CBLN2: variants seen among roughly 807,000 people sequenced by gnomAD.
CBLN2 encodes the protein cerebellin 2 precursor.
Under a neutral mutation model 15.0 loss-of-function variants are expected in CBLN2, and 7 were observed. The observed-to-expected ratio is 0.47, with a 90% CI of 0.27 to 0.88. The LOEUF is 0.88. CBLN2 is among the 40% of genes least tolerant of loss of function. The probability of loss-of-function intolerance (pLI) is 0.14; values close to 1 mark genes in which losing one functional copy is unlikely to be tolerated. For missense variants in CBLN2, 242 were observed against 304.5 expected, an observed-to-expected ratio of 0.79 and a Z score of 1.53; for synonymous variants, 149 against 135.2, an observed-to-expected ratio of 1.10 and a Z score of -0.71.
In CBLN2 at chr18:72,538,387, A is replaced by AGTAGAG; in HGVS notation, c.478-20_478-15dup. 1 of 1,613,252 alleles carries AGTAGAG rather than the reference A, an allele frequency of 6.2e-7. No individual in the cohort carries two copies. The highest frequency in any genetic ancestry group is 8.5e-7 in the Non-Finnish European group (1 of 1,179,394). On this transcript the variant is annotated splice_polypyrimidine_tract_variant and intron_variant, in intron 4 of 4. Transcript: ENST00000269503. ...CATTAAACTGACCTAAAATGCAGAG[A>AGTAGAG]GTAGAGCTCAGCAGACCATAAAGCA...
At chr18:72,582,815 T>C (rs2069414777) in intron 1 of CBLN2, among the ~76,000 whole-genome samples, 1 of 152,316 alleles carries the variant, frequency 6.6e-6, no homozygotes. Context: ...GACCTAGAGT[T>C]AGACAGCAAA....
chr18:72,553,740 T>C (rs1320979214), intron 1 of CBLN2, among the ~76,000 whole-genome samples: 2 of 152,136 alleles, frequency 1.3e-5, no homozygotes, highest in Non-Finnish European at 1.5e-5. Flanking sequence ...GGGGAAACCG[T>C]GGAGCAATGA....
At chr18:72,615,221 T>C (rs1193707898) in intron 1 of CBLN2, among the ~76,000 whole-genome samples, 2 of 137,824 alleles carry the variant, frequency 1.5e-5, no homozygotes, top group East Asian at 4.0e-4. Flanking sequence ...TGTATATATA[T>C]GTACATATAT....
intron 1 of CBLN2, among the ~76,000 whole-genome samples, chr18:72,632,173 C>A (rs138835751): frequency 6.6e-6 from 1 of 151,954 alleles, no homozygotes; most frequent in South Asian, 2.1e-4. Context: ...TATTTATATA[C>A]GTAAGGTGTG....
At chr18:72,553,502 AT>A (rs2069204666) in intron 1 of CBLN2, among the ~76,000 whole-genome samples, 1 of 151,490 alleles carries the variant, frequency 6.6e-6, no homozygotes. Flanking sequence ...ATAGATAGAT[AT>A]GAAAACAGAT....
intron 1 of CBLN2, chr18:72,618,773 T>C: frequency 1.4e-6 from 1 of 729,160 alleles, no homozygotes; most frequent in Admixed American, 1.7e-5. Context: ...TACCATTCTG[T>C]GAATGGCCAC....
At chr18:72,557,393 TGCCCA>T (rs1204187787) in intron 1 of CBLN2, among the ~76,000 whole-genome samples, 1 of 152,230 alleles carries the variant, frequency 6.6e-6, no homozygotes, top group East Asian at 1.9e-4. Context: ...TTTGGCTATA[TGCCCA>T]GTAATGGGAT....
intron 1 of CBLN2, among the ~76,000 whole-genome samples, chr18:72,625,698 CTATATATATA>C (rs1169851043): frequency 8.6e-5 from 4 of 46,586 alleles, no homozygotes; most frequent in African/African-American, 2.8e-4. Context: ...TATAGTATTA[CTATATATATA>C]TATATATATA....
intron 1 of CBLN2, among the ~76,000 whole-genome samples, chr18:72,577,964 T>C (rs911343543): frequency 6.6e-6 from 1 of 152,186 alleles, no homozygotes; most frequent in Non-Finnish European, 1.5e-5. Flanking sequence ...TCAAAGACCA[T>C]ATTATTTCAT....
intron 1 of CBLN2, among the ~76,000 whole-genome samples, chr18:72,581,723 A>G (rs1229010476): frequency 1.3e-5 from 2 of 152,236 alleles, no homozygotes; most frequent in Admixed American, 6.5e-5. Context: ...GAGATGTTAC[A>G]TTTAATGCCA....
intron 1 of CBLN2, chr18:72,619,366 A>G: frequency 1.9e-6 from 1 of 514,982 alleles, no homozygotes; most frequent in Non-Finnish European, 3.7e-6. Context: ...TTTTTGACAA[A>G]TACTCATGTG....
intron 1 of CBLN2, among the ~76,000 whole-genome samples, chr18:72,558,842 C>A (rs2057151826): frequency 1.3e-5 from 2 of 152,050 alleles, no homozygotes; most frequent in African/African-American, 4.8e-5. Context: ...TCACTTGAGC[C>A]CGGGAGTTCA....
intron 1 of CBLN2, among the ~76,000 whole-genome samples, chr18:72,564,106 G>A (rs2069278819): frequency 6.6e-6 from 1 of 152,076 alleles, no homozygotes; most frequent in Non-Finnish European, 1.5e-5. Context: ...TGTTTCACCA[G>A]ATATGCGGAA....
chr18:72,601,462 T>C (rs1297915672), intron 1 of CBLN2, among the ~76,000 whole-genome samples: 1 of 152,072 alleles, frequency 6.6e-6, no homozygotes, highest in African/African-American at 2.4e-5. Context: ...AGGAAATAGA[T>C]TCCCCTTACA....
intron 1 of CBLN2, among the ~76,000 whole-genome samples, chr18:72,628,389 G>A (rs897828780): frequency 6.6e-6 from 1 of 152,164 alleles, no homozygotes; most frequent in Non-Finnish European, 1.5e-5. Context: ...GGAAGGATGG[G>A]AAGGACAAAA....
rs938480595 is a variant in CBLN2 at position 72,542,140 on chromosome 18, C to T, written c.21G>A (p.Gly7=). Residue 7 remains glycine, a synonymous_variant, in exon 3 of 5, where the codon GGG becomes GGA. Transcript: ENST00000269503. ...GCATCATCAGCCGCAGCCCGAGTGGCCCCCGGCCGGGCGCCTGCATCGGGA... is the reference window on the plus strand; with the variant it reads ...GCATCATCAGCCGCAGCCCGAGTGGTCCCCGGCCGGGCGCCTGCATCGGGA... The part of the protein sequence containing the change: MQAPGR[G]PLGLRLMMPG... 4 of 1,320,942 alleles carry T rather than the reference C, an allele frequency of 3.0e-6. No individual in the cohort carries two copies. The highest frequency in any genetic ancestry group is 3.1e-5 in the African/African-American group (2 of 64,564). The allele number at this position is 1,320,942 out of a possible 1,614,324, so 81.8% of individuals were successfully genotyped here. A position where few individuals can be genotyped will look rare whatever the true frequency, so the allele number is the denominator to read the frequency against.
intron 1 of CBLN2, among the ~76,000 whole-genome samples, chr18:72,627,242 G>A (rs572808793): frequency 2.0e-5 from 3 of 152,030 alleles, no homozygotes; most frequent in Non-Finnish European, 2.9e-5. Context: ...AAATATATTC[G>A]GGATGCTATT....
rs535912815 is a variant in CBLN2, at chr18:72,561,958, A to G, written c.16-23186T>C. ...TGGCAGGTGGTCTATGTGATAAGTC[A>G]CCTTATCATTTAACAGAATCATTGC... is the stretch of plus-strand genomic sequence containing the variant. On this transcript the variant is annotated intron_variant, in intron 1 of 2. Coordinates refer to the CBLN2 transcript ENST00000581073. Among the ~76,000 whole-genome samples, 20 of 152,294 alleles carry G rather than the reference A, an allele frequency of 1.3e-4. No individual in the cohort carries two copies. The South Asian group carries it at 3.9e-3, about 30-fold the overall frequency.
intron 1 of CBLN2, among the ~76,000 whole-genome samples, chr18:72,568,618 G>A (rs567730437): frequency 6.6e-6 from 1 of 151,500 alleles, no homozygotes; most frequent in African/African-American, 2.4e-5. Flanking sequence ...AAAAACAAAT[G>A]TAATAAACAT....
Sources: allele counts gnomAD v4.1 joint callset (sites outside exome capture counted in the v4.1 genomes callset), GRCh38; gene constraint gnomAD v4.1.1; transcripts MANE v1.5; gene names NCBI Gene and HGNC (gene_info 2026-07-23, HGNC 2026-07-21).